The following TEX2 variants were observed in gnomAD, a reference collection of about 807,000 sequenced individuals.
TEX2 encodes the protein testis expressed 2.
Under a neutral mutation model 106.9 loss-of-function variants are expected in TEX2, and 53 were observed. The ratio of observed to expected loss-of-function variants is 0.50; its 90% CI spans 0.40 to 0.62. The LOEUF is 0.62. Ranked by LOEUF, TEX2 falls within the 20% of genes least tolerant of loss-of-function variation. The pLI is 0.00. For missense variants in TEX2, 1,207 were observed against 1,379.0 expected, an observed-to-expected ratio of 0.88 and a Z score of 1.98; for synonymous variants, 523 against 534.8, an observed-to-expected ratio of 0.98 and a Z score of 0.30.
At chr17:64,226,723 T>A (rs1425340025) in intron 1 of TEX2, among the ~76,000 whole-genome samples, 2 of 152,208 alleles carry the variant, frequency 1.3e-5, no homozygotes, top group African/African-American at 2.4e-5. Context: ...ACATGTATGA[T>A]GCTGGCAAGG....
chr17:64,214,801 T>C (rs2033136356), intron 1 of TEX2, among the ~76,000 whole-genome samples: 1 of 152,210 alleles, frequency 6.6e-6, no homozygotes, highest in Non-Finnish European at 1.5e-5. Flanking sequence ...TATCCAAATG[T>C]GGAAATCTGT....
Position 64,214,105 on chromosome 17 carries a change from A to G in TEX2, c.113T>C (p.Phe38Ser). ...SVSRDTIAIH[F>S]SASGEEEEEE... ...CTCCTCCTCCTCGCCGGATGCCGAG[A>G]AGTGAATGGCGATGGTATCTCGGGA... Residue 38 changes from phenylalanine to serine, a missense_variant, in exon 2 of 12, where the codon TTC becomes TCC. Transcript: ENST00000584379. The G allele has an allele frequency of 1.2e-6, 2 of 1,614,116 alleles. No homozygotes were observed. The highest frequency in any genetic ancestry group is 1.7e-6 in the Non-Finnish European group (2 of 1,180,020).
intron 11 of TEX2, chr17:64,150,071 TAAG>T (rs756317451): frequency 7.9e-5 from 12 of 152,172 alleles, no homozygotes; most frequent in Non-Finnish European, 1.8e-4. Flanking sequence ...AGTTTTTAAA[TAAG>T]AGGATTTTTT....
At chr17:64,174,370 T>C (rs1598140011) in intron 6 of TEX2, among the ~76,000 whole-genome samples, 1 of 12,830 alleles carries the variant, frequency 7.8e-5, no homozygotes, top group Non-Finnish European at 1.7e-4. Flanking sequence ...GGGGAAGGTG[T>C]CTACCTACTA....
chr17:64,247,677 A>G (rs1165313714), intron 1 of TEX2, among the ~76,000 whole-genome samples: 1 of 152,232 alleles, frequency 6.6e-6, no homozygotes, highest in African/African-American at 2.4e-5. Flanking sequence ...TGGTCTCTCC[A>G]TTCTAAAAAG....
At position 64,153,257 on chromosome 17, in the gene TEX2, G is replaced by A. The variant is rs185153583; in HGVS notation, c.2931-103C>T. The A allele has an allele frequency of 2.6e-6, 2 of 781,798 alleles. No individual in the cohort carries two copies. Among genetic ancestry groups the A allele is most frequent in the Non-Finnish European group, 4.2e-6 (2 of 477,730 alleles). The allele number at this position is 781,798 out of a possible 1,614,324, so 48.4% of individuals were successfully genotyped here. A position where few individuals can be genotyped will look rare whatever the true frequency, so the allele number is the denominator to read the frequency against. On this transcript the variant is annotated intron_variant, in intron 9 of 11. Transcript: ENST00000584379. The surrounding 1 kb of genome is among the most constrained non-coding windows in gnomAD (Gnocchi z 4.1). The stretch of plus-strand genomic sequence containing the variant: ...CCCTTACTTTAGAGCACCACTCGAT[G>A]TTTTGGATGTGGTGATTCTGTGTTG...
chr17:64,197,274 C>G (rs2032505499), intron 2 of TEX2, among the ~76,000 whole-genome samples: 1 of 151,922 alleles, frequency 6.6e-6, no homozygotes, highest in Non-Finnish European at 1.5e-5. Flanking sequence ...CAGAAAGGTC[C>G]CAAACTATGA....
chr17:64,179,538 A>C (rs2031760885), intron 5 of TEX2, among the ~76,000 whole-genome samples: 1 of 152,160 alleles, frequency 6.6e-6, no homozygotes, highest in Admixed American at 6.5e-5. Flanking sequence ...TAAGAGCTGT[A>C]ACACTCACCA....
At position 64,160,795 on chromosome 17, in the gene TEX2, C is replaced by T; in HGVS notation, c.2804+6G>A. ...TGGATTAGTAAATTCATATATAGCC[C>T]CTTACCCTTCTTTGCCAATTTCTCC... On this transcript the variant is annotated splice_donor_region_variant and intron_variant, in intron 8 of 11. Transcript: ENST00000584379. The T allele has an allele frequency of 6.2e-7, 1 of 1,613,828 alleles. No homozygotes were observed. The highest frequency in any genetic ancestry group is 8.5e-7 in the Non-Finnish European group (1 of 1,179,918).
intron 7 of TEX2, among the ~76,000 whole-genome samples, chr17:64,170,790 G>A (rs997081689): frequency 3.9e-5 from 6 of 151,962 alleles, no homozygotes; most frequent in African/African-American, 9.6e-5. Context: ...CCGCCACCAC[G>A]CCCGACTAAT....
intron 5 of TEX2, among the ~76,000 whole-genome samples, chr17:64,179,065 G>A (rs1397355018): frequency 1.3e-5 from 2 of 152,236 alleles, no homozygotes; most frequent in East Asian, 3.8e-4. Context: ...AGTCCCACCC[G>A]TCTGCCAGTC....
In TEX2 at chr17:64,175,391, C is replaced by T. The variant is rs2031578486; in HGVS notation, c.2571+1934G>A. Among the ~76,000 whole-genome samples the T allele has an allele frequency of 2.6e-5, 4 of 152,232 alleles. No individual in the cohort carries two copies. In the South Asian group the frequency reaches 6.2e-4, roughly 24 times the overall value. On this transcript the variant is annotated intron_variant, in intron 6 of 11. Transcript: ENST00000584379. ...ATTCTAACCTTTTAGTACTTCTGAC[C>T]TCAAAAAACAAAAGGAAGTTTAAGT...
At chr17:64,191,567 A>G (rs1320359282) in intron 4 of TEX2, among the ~76,000 whole-genome samples, 2 of 152,248 alleles carry the variant, frequency 1.3e-5, no homozygotes, top group Non-Finnish European at 1.5e-5. Context: ...CTGTAATCCC[A>G]GCACTTTGGG....
chr17:64,219,296 A>G (rs2033280138), intron 1 of TEX2, among the ~76,000 whole-genome samples: 1 of 152,132 alleles, frequency 6.6e-6, no homozygotes, highest in South Asian at 2.1e-4. Flanking sequence ...CCTTGAGGTC[A>G]GGAATTCGAG....
intron 1 of TEX2, among the ~76,000 whole-genome samples, chr17:64,234,218 G>A (rs782075511): frequency 6.6e-6 from 1 of 152,184 alleles, no homozygotes; most frequent in Non-Finnish European, 1.5e-5. Flanking sequence ...GAACCACACC[G>A]TCTAATCTAA....
chr17:64,262,619 T>A (rs1353964305), intron 1 of TEX2, among the ~76,000 whole-genome samples: 1 of 152,026 alleles, frequency 6.6e-6, no homozygotes, highest in Non-Finnish European at 1.5e-5. Flanking sequence ...AACCTTCCGA[T>A]CCCCCGGATT....
Position 64,185,817 on chromosome 17 carries a change from G to A in TEX2, c.2424+2351C>T, listed in dbSNP as rs1234487699. On this transcript the variant is annotated intron_variant, in intron 5 of 11. Transcript: ENST00000584379. This position sits in a 1 kb window ranked among gnomAD's most constrained non-coding sequence, Gnocchi z 4.0. ...TGTGACTGCAGTCCTGGCTACTCAG[G>A]AGGCTGAGGCAGAAGAATTGCTTGA... Among the ~76,000 whole-genome samples, 5 of 152,164 alleles carry A rather than the reference G, an allele frequency of 3.3e-5. No homozygotes were observed. Among genetic ancestry groups the A allele is most frequent in the Non-Finnish European group, 7.3e-5 (5 of 68,034 alleles).
intron 1 of TEX2, among the ~76,000 whole-genome samples, chr17:64,231,301 C>CTG (rs551871682): frequency 6.6e-6 from 1 of 152,152 alleles, no homozygotes; most frequent in African/African-American, 2.4e-5. Flanking sequence ...AAACATCACC[C>CTG]AAGCACCACT....
intron 2 of TEX2, among the ~76,000 whole-genome samples, chr17:64,207,186 C>T (rs1315042865): frequency 2.0e-5 from 3 of 152,186 alleles, no homozygotes; most frequent in South Asian, 4.1e-4. Flanking sequence ...AGTAAAGGGG[C>T]AAGACTCTTA....
Sources: gnomAD v4.1 joint callset for allele counts (sites outside exome capture counted in the v4.1 genomes callset) on GRCh38, gnomAD v4.1.1 for gene constraint, Gnocchi (gnomAD v3.1) non-coding constraint, MANE v1.5 for transcripts, NCBI Gene and HGNC (gene_info 2026-07-23, HGNC 2026-07-21) for gene names.